SLC2A14: variants seen among roughly 807,000 people sequenced by gnomAD.
SLC2A14 encodes solute carrier family 2 member 14, also known as solute carrier family 2, facilitated glucose transporter member 14.
Under a neutral mutation model 43.0 loss-of-function variants are expected in SLC2A14, and 13 were observed. That is an observed-to-expected ratio of 0.30 (90% CI 0.20 to 0.48). The LOEUF (loss-of-function observed/expected upper bound fraction) is 0.48. Ranked by LOEUF, SLC2A14 falls within the 20% of genes least tolerant of loss-of-function variation. The pLI, the probability that SLC2A14 is intolerant of heterozygous loss-of-function variation, is 0.99. For missense variants in SLC2A14, 428 were observed against 620.4 expected (o/e 0.69, Z 3.29); for synonymous variants, 190 against 233.8 (o/e 0.81, Z 1.71).
chr12:7,887,571 AGATAGATAGAT>A (rs1945707903), intron 1 of SLC2A14, among the ~76,000 whole-genome samples: 1 of 74,554 alleles, frequency 1.3e-5, no homozygotes, highest in Non-Finnish European at 3.1e-5. Flanking sequence ...ATAGATAGAT[AGATAGATAGAT>A]AGATAGATAG....
chr12:7,879,003 A>AAC (rs1945517123), intron 1 of SLC2A14, among the ~76,000 whole-genome samples: 2 of 139,784 alleles, frequency 1.4e-5, no homozygotes, highest in African/African-American at 2.7e-5. Context: ...AAAAAAAAAA[A>AAC]AACAATTTGT....
rs769204779 is a variant in SLC2A14, at chr12:7,849,772, G to A, written c.19-16958C>T. Among the ~76,000 whole-genome samples the A allele has an allele frequency of 1.1e-4, 17 of 151,404 alleles. No individual in the cohort carries two copies. The South Asian group carries it at 2.5e-3, about 22-fold the overall frequency. On this transcript the variant is annotated intron_variant, in intron 2 of 10. Coordinates refer to ENST00000431042, the MANE Select transcript of SLC2A14 (RefSeq NM_001286234.2). Reference sequence around the variant, plus strand: ...AAAAAAATTAGCCGGGTGTGGCGGCGGGCACCTGTAGTCCCAGCTACTCGG... The same window carrying A: ...AAAAAAATTAGCCGGGTGTGGCGGCAGGCACCTGTAGTCCCAGCTACTCGG...
At chr12:7,889,522 C>G (rs1431439668) in intron 1 of SLC2A14, among the ~76,000 whole-genome samples, 1 of 144,016 alleles carries the variant, frequency 6.9e-6, no homozygotes, top group Non-Finnish European at 1.5e-5. Context: ...CGTGAGCCAC[C>G]GTGCCTGACC....
chr12:7,874,937 T>TTATATATAAATACATATATAAAAA (rs1945418617), upstream of SLC2A14, among the ~76,000 whole-genome samples: 1 of 65,678 alleles, frequency 1.5e-5, no homozygotes, highest in African/African-American at 7.2e-5. Context: ...TTATATATAA[T>TTATATATAAATACATATATAAAAA]TTATATATAA....
chr12:7,872,015 T>C (rs1419445816), intron 1 of SLC2A14: 5 of 511,294 alleles, frequency 9.8e-6, no homozygotes, highest in African/African-American at 2.1e-5. Flanking sequence ...TATTTATCTG[T>C]AAAATTAACT....
chr12:7,861,137 C>A (rs1288868859), intron 2 of SLC2A14, among the ~76,000 whole-genome samples: 1 of 151,950 alleles, frequency 6.6e-6, no homozygotes, highest in Admixed American at 6.6e-5. Context: ...AAGAAAGAAG[C>A]AGCCAAAAGG....
chr12:7,863,552 A>C (rs1403600331), intron 2 of SLC2A14: 1 of 364,626 alleles, frequency 2.7e-6, no homozygotes, highest in Non-Finnish European at 5.5e-6. Flanking sequence ...AACCCAGGAC[A>C]CAGAGGTTGC....
rs779774429 is a variant in SLC2A14 at position 7,816,533 on chromosome 12, A to G, written c.1275+1298T>C. 5.3e-5 allele frequency among the ~76,000 whole-genome samples: 8 copies of G among 149,748 alleles called. No individual in the cohort carries two copies. In the East Asian group the frequency reaches 1.6e-3, roughly 31 times the overall value. On this transcript the variant is annotated intron_variant, in intron 10 of 10. Transcript: ENST00000431042. ...ATTACAGGCGTGAGCCATCTCACCCATCTTCTTTTTTCTTCTTCACAATTT... is the reference window on the plus strand; with the variant it reads ...ATTACAGGCGTGAGCCATCTCACCCGTCTTCTTTTTTCTTCTTCACAATTT...
intron 2 of SLC2A14, among the ~76,000 whole-genome samples, chr12:7,867,957 TTAA>T (rs143068591): frequency 0.14 from 20,568 of 152,042 alleles, 1,631 homozygotes; most frequent in East Asian, 0.34. Flanking sequence ...GTAAATTTAG[TTAA>T]TAAAGCAGTA....
chr12:7,825,271 G>GC (rs879417461), intron 7 of SLC2A14, among the ~76,000 whole-genome samples: 1,713 of 146,296 alleles, frequency 0.012, 30 homozygotes, highest in Middle Eastern at 0.035. Flanking sequence ...GACCAGACTG[G>GC]TCAACATGGT....
At chr12:7,866,090 G>T (rs1293078553) in intron 2 of SLC2A14, among the ~76,000 whole-genome samples, 2 of 151,698 alleles carry the variant, frequency 1.3e-5, no homozygotes, top group Non-Finnish European at 2.9e-5. Flanking sequence ...GGTGGCGTGC[G>T]CTTGTACCCA....
intron 2 of SLC2A14, among the ~76,000 whole-genome samples, chr12:7,840,848 AG>A (rs1865891817): frequency 6.6e-6 from 1 of 152,216 alleles, no homozygotes; most frequent in South Asian, 2.1e-4. Flanking sequence ...ATGATCCTAA[AG>A]GTTTTGGCTG....
At chr12:7,880,709 AAAAAAG>A (rs71038797) in intron 1 of SLC2A14, among the ~76,000 whole-genome samples, 50,887 of 129,244 alleles carry the variant, frequency 0.39, 11,153 homozygotes, top group Admixed American at 0.53. Flanking sequence ...AAAAAAAAAA[AAAAAAG>A]AGAGAAATTG....
chr12:7,854,565 G>A (rs1294651703), intron 2 of SLC2A14, among the ~76,000 whole-genome samples: 1 of 152,008 alleles, frequency 6.6e-6, no homozygotes, highest in Non-Finnish European at 1.5e-5. Context: ...GAGTGCAATG[G>A]CTCACAATGG....
At chr12:7,874,811 C>CGTATTTATATATAAATTATATATAAATAT (rs1945398876), upstream of SLC2A14, among the ~76,000 whole-genome samples, 1 of 8,444 alleles carries the variant, frequency 1.2e-4, no homozygotes, top group African/African-American at 3.4e-4. Context: ...TATATAAATA[C>CGTATTTATATATAAATTATATATAAATAT]GTATTTATAT....
At chr12:7,826,986 T>TTCTCTC (rs34824750) in intron 7 of SLC2A14, among the ~76,000 whole-genome samples, 1 of 106,690 alleles carries the variant, frequency 9.4e-6, no homozygotes, top group African/African-American at 3.3e-5. Flanking sequence ...TTTCTCTCCT[T>TTCTCTC]TCTCTCTTTC....
At position 7,859,128 on chromosome 12, in the gene SLC2A14, C is replaced by A. The variant is rs190810128; in HGVS notation, c.18+10735G>T. ...AACAGGCTGGGCGTGATGGCTGGTG[C>A]CTGTAATCCCAGCACTTTGAAAGGC... is the stretch of plus-strand genomic sequence containing the variant. On this transcript the variant is annotated intron_variant, in intron 2 of 10. Transcript: ENST00000431042. 2.1e-3 allele frequency among the ~76,000 whole-genome samples: 315 copies of A among 152,202 alleles called. 3 individuals are homozygous for A. The highest frequency in any genetic ancestry group is 7.3e-3 in the African/African-American group (303 of 41,532).
chr12:7,821,386 T>A, intron 7 of SLC2A14, 61 bp from the exon 8 acceptor site: 2 of 1,444,218 alleles, frequency 1.4e-6, no homozygotes, highest in Non-Finnish European at 1.9e-6. Flanking sequence ...CACAGAACCC[T>A]CAAAAAATAC....
At chr12:7,878,568 G>C (rs1477805967) in intron 1 of SLC2A14, among the ~76,000 whole-genome samples, 1 of 151,890 alleles carries the variant, frequency 6.6e-6, no homozygotes, top group Non-Finnish European at 1.5e-5. Flanking sequence ...CAGTTTTAAA[G>C]ATTTTTAGAT....
Sources: gnomAD v4.1 joint callset for allele counts (sites outside exome capture counted in the v4.1 genomes callset) on GRCh38, gnomAD v4.1.1 for gene constraint, MANE v1.5 for transcripts, NCBI Gene and HGNC (gene_info 2026-07-23, HGNC 2026-07-21) for gene names.